Variants in OR1L8 observed in about 807,000 individuals in gnomAD.
The protein encoded by OR1L8 is olfactory receptor 1L8.
For synonymous variants in OR1L8, 148 were observed against 147.0 expected (o/e 1.01, Z -0.05); for missense variants, 330 against 377.4 (o/e 0.87, Z 1.04).
chr9:122,565,606 C>T (rs1829415534), downstream of OR1L8, among the ~76,000 whole-genome samples: 1 of 152,210 alleles, frequency 6.6e-6, no homozygotes, highest in South Asian at 2.1e-4. Flanking sequence ...TAGCCAATTA[C>T]TTGGTGGTAT....
At position 122,568,285 on chromosome 9, in the gene OR1L8, T is replaced by A. The variant is rs1564200104; in HGVS notation, c.193A>T (p.Ser65Cys). The A allele has an allele frequency of 6.2e-7, 1 of 1,614,012 alleles. No homozygotes were observed. Among genetic ancestry groups the A allele is most frequent in the African/African-American group, 1.3e-5 (1 of 74,996 alleles). ...HLQTPMYFFL[S>C]FLSLTDICFT... ...CAAATATCAGTGAGAGACAGAAAAC[T>A]CAAGAAGAAATACATAGGGGTCTGA... Residue 65 changes from serine (S) to cysteine (C), a missense_variant, in exon 5 of 5, where the codon AGT becomes TGT. Transcript: ENST00000641027.
intron 4 of OR1L8, among the ~76,000 whole-genome samples, chr9:122,570,527 G>A (rs573994120): frequency 3.9e-5 from 6 of 152,058 alleles, no homozygotes; most frequent in South Asian, 2.1e-4. Context: ...GTATAAAATC[G>A]AACACAAATA....
chr9:122,557,757 A>C, the OR1L8 span, among the ~76,000 whole-genome samples: 1 of 152,022 alleles, frequency 6.6e-6, no homozygotes. Flanking sequence ...CTCTATTTCC[A>C]TCTTCTAGAA....
At chr9:122,572,580 T>G (rs1426376658) in intron 4 of OR1L8, among the ~76,000 whole-genome samples, 200 bp downstream of exon 4, 6 of 64,102 alleles carry the variant, frequency 9.4e-5, no homozygotes, top group Non-Finnish European at 1.9e-4. Flanking sequence ...TTGGGTTTGG[T>G]TTTTTTTTTT....
rs1325093186 is a variant in OR1L8, at chr9:122,568,013, G to A, written c.465C>T (p.Leu155=). The change falls in exon 5 of 5, where the codon CTC becomes CTT. Residue 155 remains leucine, a synonymous_variant. Transcript: ENST00000641027. ...GCAGAAGTGTGTGCAGGAGTGAGTG[G>A]AGGTGAGGAAATGAGCAGGAGAAGG... ...LVAFSCSFPH[L]HSLLHTLLLN... is the part of the protein sequence containing the mutation. The A allele has an allele frequency of 8.7e-6, 14 of 1,613,940 alleles. No homozygotes were observed. The Admixed American group carries it at 2.2e-4, about 25-fold the overall frequency.
chr9:122,557,937 G>T, the OR1L8 span, among the ~76,000 whole-genome samples: 1 of 152,014 alleles, frequency 6.6e-6, no homozygotes, highest in African/African-American at 2.4e-5. Flanking sequence ...GGGTTTTAGT[G>T]GATTGTGGCT....
At chr9:122,579,057 A>G (rs976547731) in intron 1 of OR1L8, among the ~76,000 whole-genome samples, 1 of 152,162 alleles carries the variant, frequency 6.6e-6, no homozygotes, top group Non-Finnish European at 1.5e-5. Context: ...ATAGAAAGTC[A>G]TTAAAAAAGA....
At position 122,571,685 on chromosome 9, in the gene OR1L8, C is replaced by T. The variant is rs534332011; in HGVS notation, c.-213+1095G>A. Among the ~76,000 whole-genome samples the T allele has an allele frequency of 6.8e-3, 1,015 of 149,840 alleles. 12 individuals carry two copies. The highest frequency in any genetic ancestry group is 0.024 in the African/African-American group (962 of 40,532). On this transcript the variant is annotated intron_variant, in intron 4 of 4. Coordinates refer to ENST00000641027, the MANE Select transcript of OR1L8 (RefSeq NM_001004454.2). ...GAGCCAAGATTGCACCACTGCACTC[C>T]AGCCTGGCGACAGAGCGAGACTCAG... is the stretch of plus-strand genomic sequence containing the variant.
chr9:122,571,701 C>T (rs1231677899), intron 4 of OR1L8, among the ~76,000 whole-genome samples: 7 of 143,760 alleles, frequency 4.9e-5, no homozygotes, highest in Admixed American at 1.4e-4. Flanking sequence ...GGCGACAGAG[C>T]GAGACTCAGT....
chr9:122,551,157 A>C, the OR1L8 span, among the ~76,000 whole-genome samples: 51 of 152,332 alleles, frequency 3.3e-4, no homozygotes, highest in African/African-American at 9.6e-4. Flanking sequence ...TCCCATTTAC[A>C]ATAGCTACAA....
At chr9:122,546,484 C>T in the OR1L8 span, among the ~76,000 whole-genome samples, 2 of 152,134 alleles carry the variant, frequency 1.3e-5, no homozygotes, top group African/African-American at 4.8e-5. Flanking sequence ...AACCTGCTGC[C>T]TTGCTGTGAG....
the OR1L8 span, among the ~76,000 whole-genome samples, chr9:122,550,538 G>A: frequency 6.7e-6 from 1 of 148,254 alleles, no homozygotes; most frequent in Admixed American, 6.8e-5. Context: ...ACATCAAAAA[G>A]ATAATACACC....
intron 4 of OR1L8, among the ~76,000 whole-genome samples, chr9:122,568,981 G>T (rs1829489631): frequency 6.7e-6 from 1 of 148,794 alleles, no homozygotes; most frequent in Non-Finnish European, 1.5e-5. Context: ...TTTAGATGGG[G>T]AGGTTTCAGG....
At chr9:122,564,237 G>A (rs1388180412), downstream of OR1L8, among the ~76,000 whole-genome samples, 2 of 152,176 alleles carry the variant, frequency 1.3e-5, no homozygotes, top group Admixed American at 1.3e-4. Flanking sequence ...AACTTACGGT[G>A]TGTCCACTCG....
In OR1L8 at chr9:122,575,547, C is replaced by CTTAT. The variant is rs539512242; in HGVS notation, c.-342+1215_-342+1218dup. ...TCCATGAGATCTGTAGTGATGTTCC[C>CTTAT]TTATTTATTTCTGACATTAATAATT... On this transcript the variant is annotated intron_variant, in intron 3 of 4. Transcript: ENST00000641027. Among the ~76,000 whole-genome samples, 5 of 152,078 alleles carry CTTAT rather than the reference C, an allele frequency of 3.3e-5. No individual in the cohort carries two copies. In the East Asian group the frequency reaches 9.7e-4, roughly 29 times the overall value.
At chr9:122,554,259 G>T in the OR1L8 span, 2 of 932,546 alleles carry the variant, frequency 2.1e-6, no homozygotes, top group East Asian at 2.5e-5. Flanking sequence ...ATTAGGGGAA[G>T]GTTATCCGTT....
the OR1L8 span, chr9:122,554,046 G>A: frequency 6.2e-7 from 1 of 1,613,726 alleles, no homozygotes. Context: ...TAGGGCTGCT[G>A]TTCTCTATAT....
chr9:122,558,553 T>C, the OR1L8 span, among the ~76,000 whole-genome samples: 2 of 151,758 alleles, frequency 1.3e-5, no homozygotes, highest in Non-Finnish European at 3.0e-5. Context: ...TAATTTCTTA[T>C]TATTTTATGT....
At chr9:122,552,346 A>G in the OR1L8 span, among the ~76,000 whole-genome samples, 1 of 152,194 alleles carries the variant, frequency 6.6e-6, no homozygotes, top group African/African-American at 2.4e-5. Flanking sequence ...GATACCTTTC[A>G]CCTTCCCTCC....
Sources: gnomAD v4.1 joint callset for allele counts (sites outside exome capture counted in the v4.1 genomes callset) on GRCh38, gnomAD v4.1.1 for gene constraint, MANE v1.5 for transcripts, NCBI Gene and HGNC (gene_info 2026-07-23, HGNC 2026-07-21) for gene names.